The following KLF7 variants were observed in gnomAD, a reference collection of about 807,000 sequenced individuals.
The protein encoded by KLF7 is Krueppel-like factor 7.
A neutral mutation model predicts 27.3 loss-of-function variants in KLF7; 2 were observed. That is an observed-to-expected ratio of 0.07 (90% CI 0.03 to 0.23). The LOEUF is 0.23. Among genes scored for constraint, KLF7 ranks in the 10% least tolerant of loss-of-function variants. The pLI, the probability that KLF7 is intolerant of heterozygous loss-of-function variation, is 1.00. For missense variants in KLF7, 221 were observed against 394.1 expected, an observed-to-expected ratio of 0.56 and a Z score of 3.72; for synonymous variants, 165 against 162.4, an observed-to-expected ratio of 1.02 and a Z score of -0.12.
rs58684108 is a variant in KLF7, at chr2:207,157,220, A to G, written c.102+8247T>C. Among the ~76,000 whole-genome samples the G allele has an allele frequency of 7.4e-4, 10 of 13,502 alleles. No homozygotes were observed. In the South Asian group the frequency reaches 9.8e-3, roughly 13 times the overall value. 8.9% of individuals were successfully genotyped at this position (13,502 alleles called of 152,430 possible). On this transcript the variant is annotated intron_variant, in intron 1 of 3. Transcript: ENST00000309446. ...AAGAAAAATGACACAACAGAAAAGT[A>G]AAAAAAAAAAAAAAAAAAAAAGAAA...
upstream of KLF7, chr2:207,166,456 T>G (rs1240520351): frequency 6.6e-6 from 1 of 152,342 alleles, no homozygotes. Flanking sequence ...ACGGCTGGGC[T>G]CGGGCTGGTC....
rs150701972 is a variant in KLF7 at position 207,140,484 on chromosome 2, G to C, written c.103-16080C>G. Among the ~76,000 whole-genome samples the C allele has an allele frequency of 5.4e-4, 82 of 151,870 alleles. 1 individual carries two copies. Among genetic ancestry groups the C allele is most frequent in the Admixed American group, 1.7e-3 (26 of 15,264 alleles). On this transcript the variant is annotated intron_variant, in intron 1 of 3. Coordinates refer to ENST00000309446, the MANE Select transcript of KLF7 (RefSeq NM_003709.4). ...TTGTTCAAAACAGAAAATGCAGTGA[G>C]GAAAAAAAAGCATGTAAGAAATAGA...
At chr2:207,168,481 C>A (rs2078760724), upstream of KLF7, among the ~76,000 whole-genome samples, 1 of 152,108 alleles carries the variant, frequency 6.6e-6, no homozygotes. Flanking sequence ...GGGTTCAAAT[C>A]CAAGAGCATC....
upstream of KLF7, chr2:207,166,572 G>C (rs1559177391): frequency 6.4e-6 from 1 of 155,360 alleles, no homozygotes. Flanking sequence ...CCCTGAGGCT[G>C]ACGGTCGGGA....
chr2:207,088,647 T>G, intron 2 of KLF7, 66 bp from the exon 3 acceptor site: 1 of 1,548,220 alleles, frequency 6.5e-7, no homozygotes, highest in Non-Finnish European at 8.8e-7. Context: ...CCAACCAGCC[T>G]GTGCTGCCTG....
intron 2 of KLF7, among the ~76,000 whole-genome samples, chr2:207,100,541 C>T (rs903238949): frequency 6.6e-6 from 1 of 152,090 alleles, no homozygotes; most frequent in African/African-American, 2.4e-5. Flanking sequence ...TCTACCTTAT[C>T]ACCCATCACT....
chr2:207,106,612 A>G (rs2076889769), intron 2 of KLF7, among the ~76,000 whole-genome samples: 1 of 152,212 alleles, frequency 6.6e-6, no homozygotes. Flanking sequence ...GCCTTTCTCC[A>G]TGAAGTTCCC....
chr2:207,095,460 C>T lies in KLF7; in HGVS notation c.734-6879G>A, dbSNP rs1409494199. On this transcript the variant is annotated intron_variant, in intron 2 of 3. Transcript: ENST00000309446. ...CTGTAATCCAAAATTTAAACCATATCCTCAATGAGGTACAGCTCCTACTTC... is the reference window on the plus strand; with the variant it reads ...CTGTAATCCAAAATTTAAACCATATTCTCAATGAGGTACAGCTCCTACTTC... 9.2e-5 allele frequency among the ~76,000 whole-genome samples: 14 copies of T among 152,156 alleles called. No individual in the cohort carries two copies. The East Asian group carries it at 2.7e-3, about 29-fold the overall frequency.
chr2:207,173,073 C>G, the KLF7 span, among the ~76,000 whole-genome samples: 58,282 of 151,700 alleles, frequency 0.38, 12,019 homozygotes, highest in African/African-American at 0.52. Flanking sequence ...ATGTGAGTGT[C>G]AGAGAGGCGG....
intron 1 of KLF7, among the ~76,000 whole-genome samples, chr2:207,155,991 G>A (rs747251379): frequency 1.3e-5 from 2 of 152,192 alleles, no homozygotes; most frequent in Non-Finnish European, 2.9e-5. Flanking sequence ...TGAGAACGGC[G>A]TCAAGAGCAG....
At chr2:207,154,563 G>A (rs2078330362) in intron 1 of KLF7, among the ~76,000 whole-genome samples, 1 of 152,154 alleles carries the variant, frequency 6.6e-6, no homozygotes. Flanking sequence ...GCTTTCCCCT[G>A]CCTTCCATCA....
At chr2:207,113,368 A>G (rs957713582) in intron 2 of KLF7, among the ~76,000 whole-genome samples, 12 of 152,190 alleles carry the variant, frequency 7.9e-5, no homozygotes, top group Admixed American at 5.2e-4. Context: ...ATGTGTTTCC[A>G]TAGCTAAAGG....
chr2:207,163,435 A>C (rs1216198862), intron 1 of KLF7, among the ~76,000 whole-genome samples: 3 of 152,202 alleles, frequency 2.0e-5, no homozygotes, highest in Admixed American at 2.0e-4. Context: ...GGGGAGAAGG[A>C]AGAGCAGAGA....
At chr2:207,167,909 C>T (rs2106167112), upstream of KLF7, among the ~76,000 whole-genome samples, 1 of 152,316 alleles carries the variant, frequency 6.6e-6, no homozygotes, top group South Asian at 2.1e-4. Flanking sequence ...TGTCTCCCCA[C>T]TTGAGCTATG....
intron 2 of KLF7, among the ~76,000 whole-genome samples, chr2:207,093,180 G>A (rs946032366): frequency 3.9e-5 from 6 of 152,136 alleles, no homozygotes; most frequent in Non-Finnish European, 7.4e-5. Context: ...ACATTATTCT[G>A]CAAAGGGTTC....
chr2:207,113,461 A>AT (rs2105946886), intron 2 of KLF7, among the ~76,000 whole-genome samples: 1 of 152,268 alleles, frequency 6.6e-6, no homozygotes, highest in African/African-American at 2.4e-5. Context: ...AATTGCCAGC[A>AT]TATCTTCCTC....
chr2:207,171,706 TTTAAAA>T (rs1465350506), upstream of KLF7, among the ~76,000 whole-genome samples: 1 of 152,238 alleles, frequency 6.6e-6, no homozygotes, highest in African/African-American at 2.4e-5. Context: ...AGCAAAATAT[TTTAAAA>T]TTAAGGTATG....
At position 207,081,054 on chromosome 2, in the gene KLF7, T is replaced by G; in HGVS notation, c.*159A>C. 1 of 654,936 alleles carries G rather than the reference T, an allele frequency of 1.5e-6. No individual in the cohort carries two copies. The allele number at this position is 654,936 out of a possible 1,614,324, so 40.6% of individuals were successfully genotyped here. A position where few individuals can be genotyped will look rare whatever the true frequency, so the allele number is the denominator to read the frequency against. ...GTGTATGTGTGTGGGTCTGTGAGTG[T>G]GTGTATATGTGTGTGTGTGTGTGTG... On this transcript the variant is annotated 3_prime_UTR_variant, in exon 4 of 4. Coordinates refer to ENST00000309446, the MANE Select transcript of KLF7 (RefSeq NM_003709.4).
At chr2:207,094,071 A>C (rs2076571567) in intron 2 of KLF7, among the ~76,000 whole-genome samples, 1 of 152,226 alleles carries the variant, frequency 6.6e-6, no homozygotes, top group African/African-American at 2.4e-5. Context: ...ACTCATTTGT[A>C]ATGTTTATCT....
Sources: allele counts gnomAD v4.1 joint callset (sites outside exome capture counted in the v4.1 genomes callset), GRCh38; gene constraint gnomAD v4.1.1; transcripts MANE v1.5; gene names NCBI Gene and HGNC (gene_info 2026-07-23, HGNC 2026-07-21).